HYCC1: variants seen among roughly 807,000 people sequenced by gnomAD.
HYCC1 encodes hyccin.
chr7:22,925,466 C>G, the HYCC1 span, among the ~76,000 whole-genome samples: 3 of 152,080 alleles, frequency 2.0e-5, no homozygotes, highest in South Asian at 6.2e-4. Flanking sequence ...ACTAGAATAA[C>G]CAATGCAGAG....
the HYCC1 span, among the ~76,000 whole-genome samples, chr7:22,979,577 G>A: frequency 6.6e-6 from 1 of 152,162 alleles, no homozygotes; most frequent in Non-Finnish European, 1.5e-5. Flanking sequence ...AGCTTTCAGG[G>A]TGGAGTTTTC....
chr7:22,993,819 A>G, the HYCC1 span, among the ~76,000 whole-genome samples: 1 of 152,168 alleles, frequency 6.6e-6, no homozygotes, highest in African/African-American at 2.4e-5. Flanking sequence ...AAATTGGTAC[A>G]ATATCTTGGA....
the HYCC1 span, chr7:22,945,171 C>A: frequency 4.3e-6 from 1 of 232,868 alleles, no homozygotes; most frequent in Non-Finnish European, 8.4e-6. Flanking sequence ...TACATGCAGA[C>A]TCCCTTTGAC....
At chr7:22,949,417 G>A in the HYCC1 span, among the ~76,000 whole-genome samples, 2 of 151,976 alleles carry the variant, frequency 1.3e-5, no homozygotes, top group South Asian at 2.1e-4. Flanking sequence ...ATTCGAGTCC[G>A]TTTGAGTTAA....
the HYCC1 span, among the ~76,000 whole-genome samples, chr7:22,933,983 A>G: frequency 6.6e-6 from 1 of 152,182 alleles, no homozygotes; most frequent in African/African-American, 2.4e-5. Context: ...TCAATCAATC[A>G]TTCAGTTGAC....
At chr7:22,973,683 C>CTA in the HYCC1 span, among the ~76,000 whole-genome samples, 1 of 152,048 alleles carries the variant, frequency 6.6e-6, no homozygotes, top group Non-Finnish European at 1.5e-5. Flanking sequence ...GGCCAAAATC[C>CTA]TATAGCTAGT....
chr7:22,919,562 T>A, the HYCC1 span, among the ~76,000 whole-genome samples: 2 of 151,552 alleles, frequency 1.3e-5, no homozygotes, highest in Non-Finnish European at 2.9e-5. Flanking sequence ...ATGATGACCA[T>A]GTCCCATCAA....
chr7:22,923,396 G>A, the HYCC1 span, among the ~76,000 whole-genome samples: 1 of 152,086 alleles, frequency 6.6e-6, no homozygotes, highest in Non-Finnish European at 1.5e-5. Context: ...TGTTGGACAT[G>A]GCTAAAGCAG....
At chr7:22,949,501 A>G in the HYCC1 span, among the ~76,000 whole-genome samples, 4 of 152,066 alleles carry the variant, frequency 2.6e-5, no homozygotes, top group African/African-American at 9.7e-5. Context: ...AAAGCAAACA[A>G]TTTACTTTGA....
the HYCC1 span, among the ~76,000 whole-genome samples, chr7:22,917,200 T>C: frequency 6.6e-6 from 1 of 152,142 alleles, no homozygotes; most frequent in South Asian, 2.1e-4. Flanking sequence ...CCACTGAAAC[T>C]TCCACCTGTC....
At chr7:23,010,038 G>A in the HYCC1 span, among the ~76,000 whole-genome samples, 2 of 152,054 alleles carry the variant, frequency 1.3e-5, no homozygotes, top group African/African-American at 4.8e-5. Flanking sequence ...AGGGATCTCA[G>A]GCTCCATTTA....
At chr7:22,915,349 T>C in the HYCC1 span, among the ~76,000 whole-genome samples, 1 of 152,200 alleles carries the variant, frequency 6.6e-6, no homozygotes, top group Non-Finnish European at 1.5e-5. Flanking sequence ...GCCATAGCGG[T>C]CAGGTATTCC....
At chr7:23,002,206 A>C in the HYCC1 span, among the ~76,000 whole-genome samples, 1 of 147,360 alleles carries the variant, frequency 6.8e-6, no homozygotes, top group Non-Finnish European at 1.5e-5. Flanking sequence ...GCATGTAATG[A>C]AAAATGCTGA....
the HYCC1 span, among the ~76,000 whole-genome samples, chr7:22,898,564 C>G: frequency 3.3e-3 from 490 of 150,222 alleles, 2 homozygotes; most frequent in African/African-American, 0.012. Context: ...GTTACCCAGG[C>G]TGGTCCAAAT....
chr7:22,968,943 G>A, the HYCC1 span, among the ~76,000 whole-genome samples: 4 of 151,896 alleles, frequency 2.6e-5, no homozygotes, highest in Non-Finnish European at 5.9e-5. Context: ...CTGGGATCAC[G>A]CCACTGCACT....
chr7:22,973,230 T>C, the HYCC1 span, among the ~76,000 whole-genome samples: 1 of 152,210 alleles, frequency 6.6e-6, no homozygotes, highest in African/African-American at 2.4e-5. Flanking sequence ...AACTTACTTA[T>C]CACCACAGTT....
At chr7:22,899,075 C>A in the HYCC1 span, among the ~76,000 whole-genome samples, 5,056 of 152,276 alleles carry the variant, frequency 0.033, 292 homozygotes, top group African/African-American at 0.11. Context: ...AGCGTGGTAG[C>A]AAGTCCTGAC....
the HYCC1 span, among the ~76,000 whole-genome samples, chr7:22,924,687 G>T: frequency 1.1e-4 from 16 of 152,364 alleles, no homozygotes; most frequent in Admixed American, 3.3e-4. Flanking sequence ...TGGCTGGGAA[G>T]CTCGAACTGG....
At chr7:22,992,268 T>C in the HYCC1 span, among the ~76,000 whole-genome samples, 570 of 152,186 alleles carry the variant, frequency 3.7e-3, 2 homozygotes, top group Non-Finnish European at 6.5e-3. Flanking sequence ...TAAAAAAACA[T>C]GATTAAAACA....
Sources: allele counts gnomAD v4.1 joint callset (sites outside exome capture counted in the v4.1 genomes callset), GRCh38; gene constraint gnomAD v4.1.1; transcripts MANE v1.5; gene names NCBI Gene and HGNC (gene_info 2026-07-23, HGNC 2026-07-21).